The following HYKK variants were observed in gnomAD, a reference collection of about 807,000 sequenced individuals.
HYKK encodes the protein hydroxylysine kinase, also known as 5-hydroxy-L-lysine kinase.
Under a neutral mutation model 29.7 loss-of-function variants are expected in HYKK, and 19 were observed. That is an observed-to-expected ratio of 0.64 (90% CI 0.45 to 0.94). The LOEUF is 0.94. HYKK is among the 40% of genes least tolerant of loss of function. The pLI, the probability that HYKK is intolerant of heterozygous loss-of-function variation, is 0.00. For synonymous variants in HYKK, 152 were observed against 158.1 expected (o/e 0.96, Z 0.29); for missense variants, 390 against 443.4 (o/e 0.88, Z 1.08).
rs1304730787 is a variant in HYKK, at chr15:78,513,153, C to CCT, written c.68_69dup (p.Ala24LeufsTer3). The CCT allele has an allele frequency of 6.2e-7, 1 of 1,613,962 alleles. No homozygotes were observed. The highest frequency in any genetic ancestry group is 1.3e-5 in the African/African-American group (1 of 74,922). On this transcript the variant is annotated frameshift_variant, in exon 2 of 5. Coordinates refer to ENST00000388988, the MANE Select transcript of HYKK (RefSeq NM_001013619.4). LOFTEE classifies it high-confidence loss of function. ...AAACCCACTTTCAGTGAGGAACAAG[C>CCT]CTCTGCGTTAGTGGAGTCAGTGTTT...
At chr15:78,528,861 A>G in intron 4 of HYKK, 1 of 984,096 alleles carries the variant, frequency 1.0e-6, no homozygotes, top group Non-Finnish European at 1.2e-6. Context: ...GATAGGCAGT[A>G]TGTGTTTCTC....
chr15:78,537,069 A>T (rs1596037874), downstream of HYKK, among the ~76,000 whole-genome samples: 1 of 152,216 alleles, frequency 6.6e-6, no homozygotes, highest in East Asian at 1.9e-4. Flanking sequence ...TTACACCATC[A>T]TCTCCTCTGG....
chr15:78,507,818 G>T (rs2052028880), intron 1 of HYKK, 147 bp downstream of exon 1: 1 of 152,552 alleles, frequency 6.6e-6, no homozygotes, highest in South Asian at 2.1e-4. Flanking sequence ...TCCTCAGCTC[G>T]CTGCGTGCGT....
chr15:78,533,004 CTGA>C (rs2052326526), intron 4 of HYKK, among the ~76,000 whole-genome samples: 1 of 151,716 alleles, frequency 6.6e-6, no homozygotes, highest in Non-Finnish European at 1.5e-5. Flanking sequence ...TGGCCTTGTA[CTGA>C]TGAGAAGCAA....
chr15:78,517,008 G>C (rs1325917020), intron 3 of HYKK, among the ~76,000 whole-genome samples: 1 of 150,900 alleles, frequency 6.6e-6, no homozygotes, highest in Non-Finnish European at 1.5e-5. Context: ...GACAGAGCAA[G>C]ACCTTGTCTC....
At chr15:78,522,524 TCTCCAGCCTGGGTGACAGAGTGAGA>T (rs2052207560) in intron 3 of HYKK, among the ~76,000 whole-genome samples, 2 of 134,284 alleles carry the variant, frequency 1.5e-5, no homozygotes, top group Non-Finnish European at 3.0e-5. Context: ...ACGCCATTGC[TCTCCAGCCTGGGTGACAGAGTGAGA>T]CTCCGTCTCA....
Position 78,518,525 on chromosome 15 carries a change from G to A in HYKK, c.477+3418G>A, listed in dbSNP as rs186957064. The A allele has an allele frequency of 2.9e-5, 13 of 452,168 alleles. No homozygotes were observed. The East Asian group carries it at 6.3e-4, about 22-fold the overall frequency. 28.0% of individuals were successfully genotyped at this position (452,168 alleles called of 1,614,324 possible). ...GGATCACTGTTTTTCATTGCCTAAC[G>A]TCTAATAACTTGAAAACCAGTGTTT... On this transcript the variant is annotated intron_variant, in intron 3 of 4. Coordinates refer to ENST00000388988, the MANE Select transcript of HYKK (RefSeq NM_001013619.4).
chr15:78,517,134 CAG>C (rs2052144452), intron 3 of HYKK, among the ~76,000 whole-genome samples: 1 of 98,028 alleles, frequency 1.0e-5, no homozygotes, highest in Admixed American at 1.4e-4. Flanking sequence ...TTTTTCGAGA[CAG>C]AGTTTCTGTC....
intron 1 of HYKK, 48 bp from the exon 2 acceptor site, chr15:78,513,036 A>C: frequency 1.1e-6 from 1 of 949,438 alleles, no homozygotes. Flanking sequence ...TTAAATAAAT[A>C]TATTCATCCT....
In HYKK at chr15:78,535,290, T is replaced by TTTTC. The variant is rs67474723; in HGVS notation, c.*1623_*1624insCTTT. ...TTTCTTTTTCTTTTCTTTTCTTTTC[T>TTTTC]TTTTTTTTTTTTTTGGTGGTGGGGC... is the stretch of plus-strand genomic sequence containing the variant. On this transcript the variant is annotated 3_prime_UTR_variant, in exon 5 of 5. Coordinates refer to ENST00000388988, the MANE Select transcript of HYKK (RefSeq NM_001013619.4). The TTTTC allele has an allele frequency of 0.39, 29,646 of 76,830 alleles. 3,161 individuals carry two copies. Among genetic ancestry groups the TTTTC allele is most frequent in the South Asian group, 0.46 (1,077 of 2,360 alleles). The allele number at this position is 76,830 out of a possible 1,614,324, so 4.8% of individuals were successfully genotyped here. A position where few individuals can be genotyped will look rare whatever the true frequency, so the allele number is the denominator to read the frequency against.
chr15:78,522,564 A>T (rs1211014494), intron 3 of HYKK, among the ~76,000 whole-genome samples: 1 of 150,524 alleles, frequency 6.6e-6, no homozygotes, highest in African/African-American at 2.4e-5. Flanking sequence ...GTCTCAAAAA[A>T]AAAAAAAAAA....
chr15:78,512,945 T>C, intron 1 of HYKK, 139 bp from the exon 2 acceptor site: 1 of 600,800 alleles, frequency 1.7e-6, no homozygotes, highest in Non-Finnish European at 2.9e-6. Flanking sequence ...ATTTTCTTTT[T>C]AACTTTATGA....
At chr15:78,531,957 T>G (rs2052316934) in intron 4 of HYKK, among the ~76,000 whole-genome samples, 1 of 152,182 alleles carries the variant, frequency 6.6e-6, no homozygotes, top group African/African-American at 2.4e-5. Context: ...GTTACATTGC[T>G]TAAGCATGAT....
rs1567017531 is a variant in HYKK, at chr15:78,517,109, C to CTTTCT, written c.477+2005_477+2006insCTTTT. Among the ~76,000 whole-genome samples the CTTTCT allele has an allele frequency of 8.7e-3, 941 of 108,484 alleles. 13 individuals carry two copies. The highest frequency in any genetic ancestry group is 0.027 in the African/African-American group (815 of 30,664). 71.2% of individuals were successfully genotyped at this position (108,484 alleles called of 152,430 possible). ...CTTTTCTTTCTTTCTTTCTTTCTTT[C>CTTTCT]TTTTTTTTTTTTTTTTTTTCGAGAC... On this transcript the variant is annotated intron_variant, in intron 3 of 4. Coordinates refer to ENST00000388988, the MANE Select transcript of HYKK (RefSeq NM_001013619.4).
intron 3 of HYKK, among the ~76,000 whole-genome samples, chr15:78,520,352 G>T (rs1005092452): frequency 1.3e-5 from 2 of 152,006 alleles, no homozygotes; most frequent in Non-Finnish European, 2.9e-5. Context: ...AGTGAACAAA[G>T]GTCTCTGGTT....
chr15:78,536,800 C>A (rs28450825), downstream of HYKK, among the ~76,000 whole-genome samples: 2 of 152,234 alleles, frequency 1.3e-5, no homozygotes, highest in East Asian at 3.9e-4. Context: ...CATGTCTGTG[C>A]GGAAGTTTCC....
intron 1 of HYKK, among the ~76,000 whole-genome samples, chr15:78,511,847 A>G (rs1453227090): frequency 6.6e-6 from 1 of 152,218 alleles, no homozygotes; most frequent in African/African-American, 2.4e-5. Context: ...AACCTGGGCA[A>G]CAAAGTGAGA....
chr15:78,515,891 A>G (rs1161408464), intron 3 of HYKK, among the ~76,000 whole-genome samples: 1 of 152,144 alleles, frequency 6.6e-6, no homozygotes, highest in Admixed American at 6.6e-5. Flanking sequence ...GCCAGCCCAA[A>G]AATTTTTTTT....
At chr15:78,518,520 C>T (rs889245688) in intron 3 of HYKK, 1 of 449,646 alleles carries the variant, frequency 2.2e-6, no homozygotes. Context: ...TTTTCATTGC[C>T]TAACGTCTAA....
Sources: allele counts gnomAD v4.1 joint callset (sites outside exome capture counted in the v4.1 genomes callset), GRCh38; gene constraint gnomAD v4.1.1; transcripts MANE v1.5; gene names NCBI Gene and HGNC (gene_info 2026-07-23, HGNC 2026-07-21).